PTPRM: variants seen among roughly 807,000 people sequenced by gnomAD.
The protein encoded by PTPRM is receptor-type tyrosine-protein phosphatase mu.
A neutral mutation model predicts 186.7 loss-of-function variants in PTPRM; 47 were observed. The ratio of observed to expected loss-of-function variants is 0.25; its 90% CI spans 0.20 to 0.32. The LOEUF is 0.32. Among genes scored for constraint, PTPRM ranks in the 10% least tolerant of loss-of-function variants. PTPRM has a pLI of 1.00. For synonymous variants in PTPRM, 668 were observed against 674.9 expected, an observed-to-expected ratio of 0.99 and a Z score of 0.16; for missense variants, 1,494 against 1,865.0, an observed-to-expected ratio of 0.80 and a Z score of 3.66.
At chr18:7,832,938 G>T (rs2045835812) in intron 2 of PTPRM, among the ~76,000 whole-genome samples, 1 of 152,056 alleles carries the variant, frequency 6.6e-6, no homozygotes, top group East Asian at 1.9e-4. Context: ...TAGGTCTGTG[G>T]ATTTGTTTCT....
At chr18:7,852,979 C>T (rs1236844973) in intron 2 of PTPRM, among the ~76,000 whole-genome samples, 1 of 152,066 alleles carries the variant, frequency 6.6e-6, no homozygotes, top group Admixed American at 6.5e-5. Context: ...ACTTAATATC[C>T]AAAAATAGGA....
chr18:8,158,380 A>G (rs1266557521), intron 14 of PTPRM, among the ~76,000 whole-genome samples: 2 of 152,204 alleles, frequency 1.3e-5, no homozygotes, highest in Non-Finnish European at 2.9e-5. Context: ...TTTCTAGTTC[A>G]TAAGAGCGTT....
chr18:8,315,184 C>T (rs2095300026), intron 21 of PTPRM, among the ~76,000 whole-genome samples: 1 of 152,212 alleles, frequency 6.6e-6, no homozygotes, highest in Non-Finnish European at 1.5e-5. Context: ...CCATCTCATG[C>T]TTATGTGGAC....
chr18:7,600,779 C>T (rs936729846), intron 1 of PTPRM, among the ~76,000 whole-genome samples: 2 of 152,196 alleles, frequency 1.3e-5, no homozygotes, highest in Non-Finnish European at 2.9e-5. Flanking sequence ...TTGCTTGATG[C>T]ACACCAGGCT....
At chr18:7,990,033 A>G (rs1417492809) in intron 7 of PTPRM, among the ~76,000 whole-genome samples, 1 of 152,036 alleles carries the variant, frequency 6.6e-6, no homozygotes, top group East Asian at 1.9e-4. Flanking sequence ...CCTTCCAAGT[A>G]GCTGGGATTA....
intron 1 of PTPRM, among the ~76,000 whole-genome samples, chr18:7,583,109 T>C (rs892475874): frequency 1.3e-5 from 2 of 152,188 alleles, no homozygotes; most frequent in Non-Finnish European, 2.9e-5. Flanking sequence ...TGCCTTGTAT[T>C]TTTCCTTTAT....
intron 2 of PTPRM, among the ~76,000 whole-genome samples, chr18:7,793,475 T>C (rs902667405): frequency 2.7e-5 from 4 of 149,256 alleles, no homozygotes; most frequent in African/African-American, 5.2e-5. Flanking sequence ...CTTTCTCTTA[T>C]GTTTTCTCTT....
intron 24 of PTPRM, among the ~76,000 whole-genome samples, chr18:8,373,805 A>T: frequency 6.6e-6 from 1 of 151,916 alleles, no homozygotes; most frequent in Non-Finnish European, 1.5e-5. Flanking sequence ...GGATCGCCTG[A>T]GCCCGAGAGT....
intron 2 of PTPRM, among the ~76,000 whole-genome samples, chr18:7,842,981 T>TTA (rs2046428522): frequency 9.5e-6 from 1 of 105,392 alleles, no homozygotes; most frequent in East Asian, 3.8e-4. Flanking sequence ...GAGAGAGAGA[T>TTA]TATATGAGCC....
At chr18:7,962,718 T>TG (rs1270474439) in intron 7 of PTPRM, among the ~76,000 whole-genome samples, 2 of 152,142 alleles carry the variant, frequency 1.3e-5, no homozygotes, top group South Asian at 2.1e-4. Flanking sequence ...TTTGTTTCTG[T>TG]GGGAAAAAAG....
At chr18:7,750,505 A>G (rs1418745613) in intron 1 of PTPRM, among the ~76,000 whole-genome samples, 1 of 152,128 alleles carries the variant, frequency 6.6e-6, no homozygotes, top group Admixed American at 6.6e-5. Context: ...ATCAGTCTTT[A>G]CTCAGCTGTT....
At chr18:7,955,436 A>C (rs748342141) in intron 7 of PTPRM, 22 bp downstream of exon 7, 1 of 1,590,466 alleles carries the variant, frequency 6.3e-7, no homozygotes, top group South Asian at 1.1e-5. Context: ...GAACCCTGCA[A>C]TTAATTGTCA....
At chr18:8,125,990 TATATATATATATATATATATATATA>T (rs2092330523) in intron 13 of PTPRM, among the ~76,000 whole-genome samples, 2 of 9,976 alleles carry the variant, frequency 2.0e-4, no homozygotes, top group Non-Finnish European at 4.4e-4. Context: ...TATATATATA[TATATATATATATATATATATATATA>T]TATATATATA....
At chr18:7,837,082 G>T (rs2046087712) in intron 2 of PTPRM, among the ~76,000 whole-genome samples, 1 of 151,944 alleles carries the variant, frequency 6.6e-6, no homozygotes, top group Non-Finnish European at 1.5e-5. Flanking sequence ...TTCTACCCCG[G>T]TCTCTTTCTC....
chr18:8,362,204 C>T (rs750657493), intron 23 of PTPRM, among the ~76,000 whole-genome samples: 7 of 152,188 alleles, frequency 4.6e-5, no homozygotes, highest in East Asian at 1.9e-4. Flanking sequence ...CTGCCATATC[C>T]GACCTACTCA....
At chr18:7,833,601 G>A (rs1318318160) in intron 2 of PTPRM, among the ~76,000 whole-genome samples, 1 of 152,042 alleles carries the variant, frequency 6.6e-6, no homozygotes, top group Non-Finnish European at 1.5e-5. Context: ...GGGCATGGTG[G>A]CAGGTGCCTA....
At chr18:8,177,503 G>T (rs1031099215) in intron 14 of PTPRM, among the ~76,000 whole-genome samples, 4 of 152,188 alleles carry the variant, frequency 2.6e-5, no homozygotes, top group Admixed American at 6.5e-5. Flanking sequence ...CTGATTAGTT[G>T]GTTCCTGTGA....
intron 20 of PTPRM, among the ~76,000 whole-genome samples, chr18:8,314,445 A>G (rs777790377): frequency 3.3e-5 from 5 of 152,310 alleles, no homozygotes; most frequent in Non-Finnish European, 7.4e-5. Context: ...TTTGTATGTG[A>G]TTTAGTGAAG....
rs144393856 is a variant in PTPRM at position 8,214,496 on chromosome 18, A to G, written c.2301-29562A>G. On this transcript the variant is annotated intron_variant, in intron 14 of 32. Transcript: ENST00000580170. ...TGATGGCAAAGAACATTTAGGTTTCATTAAGTGAGAGTTTTTTATGTTATA... is the reference window on the plus strand; with the variant it reads ...TGATGGCAAAGAACATTTAGGTTTCGTTAAGTGAGAGTTTTTTATGTTATA... Among the ~76,000 whole-genome samples the G allele has an allele frequency of 4.7e-3, 709 of 152,240 alleles. 2 individuals carry two copies. Among genetic ancestry groups the G allele is most frequent in the Non-Finnish European group, 8.4e-3 (574 of 68,000 alleles).
Sources: allele counts gnomAD v4.1 joint callset (sites outside exome capture counted in the v4.1 genomes callset), GRCh38; gene constraint gnomAD v4.1.1; transcripts MANE v1.5; gene names NCBI Gene and HGNC (gene_info 2026-07-23, HGNC 2026-07-21).